Variants in BCAS3 observed in about 807,000 individuals in gnomAD.
The protein encoded by BCAS3 is BCAS4/BCAS3 fusion.
BCAS3 carries 53 observed loss-of-function variants against 116.1 expected under a neutral mutation model. The observed-to-expected ratio is 0.46, with a 90% CI of 0.37 to 0.57. The LOEUF is 0.57. Ranked by LOEUF, BCAS3 falls within the 20% of genes least tolerant of loss-of-function variation. BCAS3 has a pLI of 0.00. For synonymous variants in BCAS3, 391 were observed against 408.2 expected (o/e 0.96, Z 0.51); for missense variants, 917 against 1,165.4 (o/e 0.79, Z 3.10).
chr17:61,075,951 A>T (rs1003964791), intron 20 of BCAS3, among the ~76,000 whole-genome samples: 1 of 151,370 alleles, frequency 6.6e-6, no homozygotes, highest in Non-Finnish European at 1.5e-5. Flanking sequence ...TAGAGACAGG[A>T]TCTCCCTATG....
chr17:60,863,024 C>A (rs574075385), intron 7 of BCAS3, among the ~76,000 whole-genome samples: 15 of 152,062 alleles, frequency 9.9e-5, no homozygotes, highest in Non-Finnish European at 2.1e-4. Context: ...GATTTTTCTC[C>A]TGTAGTTTGT....
chr17:60,799,146 T>A (rs2047473147), intron 6 of BCAS3, among the ~76,000 whole-genome samples: 1 of 152,230 alleles, frequency 6.6e-6, no homozygotes, highest in African/African-American at 2.4e-5. Context: ...ATGTACTTTT[T>A]AAAATAGCAA....
At chr17:61,274,281 A>ATT (rs780529516) in intron 22 of BCAS3, among the ~76,000 whole-genome samples, 2,373 of 95,908 alleles carry the variant, frequency 0.025, 87 homozygotes, top group African/African-American at 0.069. Flanking sequence ...AAATCTTTGA[A>ATT]TTTTTTTTTT....
chr17:60,703,965 C>G (rs74496052), intron 4 of BCAS3, among the ~76,000 whole-genome samples: 2,325 of 150,254 alleles, frequency 0.015, 31 homozygotes, highest in Non-Finnish European at 0.023. Flanking sequence ...TTACTATAGA[C>G]TCTAATATGA....
intron 14 of BCAS3, among the ~76,000 whole-genome samples, chr17:60,968,909 G>A (rs574594610): frequency 6.6e-6 from 1 of 152,070 alleles, no homozygotes; most frequent in African/African-American, 2.4e-5. Context: ...TTAAGGCAAG[G>A]ATAGTTTTCC....
At chr17:61,232,201 A>G (rs1488231263) in intron 22 of BCAS3, among the ~76,000 whole-genome samples, 21 of 18,006 alleles carry the variant, frequency 1.2e-3, no homozygotes, top group Non-Finnish European at 2.5e-3. Context: ...AAAGACTCCG[A>G]AAAAAAAAAA....
At chr17:60,764,308 T>C (rs1331693239) in intron 6 of BCAS3, among the ~76,000 whole-genome samples, 1 of 152,192 alleles carries the variant, frequency 6.6e-6, no homozygotes, top group Non-Finnish European at 1.5e-5. Context: ...TTTTAGATCT[T>C]TCCTCCTTTC....
intron 22 of BCAS3, among the ~76,000 whole-genome samples, chr17:61,101,621 T>C (rs895173022): frequency 2.0e-5 from 3 of 152,266 alleles, no homozygotes; most frequent in African/African-American, 7.2e-5. Flanking sequence ...CAATGGACCA[T>C]TGTACACTAC....
At chr17:60,783,063 T>C (rs866351685) in intron 6 of BCAS3, among the ~76,000 whole-genome samples, 3 of 152,168 alleles carry the variant, frequency 2.0e-5, no homozygotes, top group Admixed American at 6.6e-5. Context: ...AAATATTTGA[T>C]ATGCTGATAC....
rs1377611160 is a variant in BCAS3 at position 61,313,948 on chromosome 17, G to A, written c.2426-54379G>A. Among the ~76,000 whole-genome samples the A allele has an allele frequency of 6.6e-6, 1 of 152,248 alleles. No individual in the cohort carries two copies. The highest frequency in any genetic ancestry group is 2.4e-5 in the African/African-American group (1 of 41,466). On this transcript the variant is annotated intron_variant, in intron 22 of 23. Transcript: ENST00000407086. This position sits in a 1 kb window ranked among gnomAD's most constrained non-coding sequence, Gnocchi z 4.3. ...CTGGCTCCAGAGTCTCGTGGGGGAA[G>A]CCGGCTGGCAGCACACAGGCCATTC...
intron 7 of BCAS3, among the ~76,000 whole-genome samples, chr17:60,867,900 G>A (rs1280475879): frequency 3.3e-5 from 5 of 151,828 alleles, no homozygotes; most frequent in African/African-American, 7.3e-5. Flanking sequence ...GTTTTTGTTC[G>A]TTAGTTTTAA....
At chr17:61,294,924 G>C (rs549323412) in intron 22 of BCAS3, among the ~76,000 whole-genome samples, 1 of 152,256 alleles carries the variant, frequency 6.6e-6, no homozygotes, top group South Asian at 2.1e-4. Context: ...CCTTCAGTAT[G>C]ACAGGTCAGT....
chr17:60,865,516 C>T (rs939714278), intron 7 of BCAS3, among the ~76,000 whole-genome samples: 1 of 152,146 alleles, frequency 6.6e-6, no homozygotes, highest in African/African-American at 2.4e-5. Flanking sequence ...GTTAGACTTA[C>T]ATAGAATTAT....
rs1474338414 is a variant in BCAS3 at position 61,233,667 on chromosome 17, A to G, written c.2426-134660A>G. ...GGATAAGTCACAATCTTCCTGTCTCATGTTTCTTTTACTTAAAAATGAAAG... is the reference window on the plus strand; with the variant it reads ...GGATAAGTCACAATCTTCCTGTCTCGTGTTTCTTTTACTTAAAAATGAAAG... On this transcript the variant is annotated intron_variant, in intron 22 of 23. Transcript: ENST00000407086. The surrounding 1 kb of genome is among the most constrained non-coding windows in gnomAD (Gnocchi z 4.3). Among the ~76,000 whole-genome samples the G allele has an allele frequency of 6.6e-6, 1 of 152,166 alleles. No homozygotes were observed. The highest frequency in any genetic ancestry group is 1.5e-5 in the Non-Finnish European group (1 of 68,028).
At chr17:61,371,124 A>C (rs2059021190) in intron 23 of BCAS3, among the ~76,000 whole-genome samples, 1 of 152,218 alleles carries the variant, frequency 6.6e-6, no homozygotes, top group East Asian at 1.9e-4. Flanking sequence ...CCTCTTTATC[A>C]AAGTATGAAT....
chr17:61,246,990 G>A lies in BCAS3; in HGVS notation c.2426-121337G>A, dbSNP rs537271332. 5.9e-5 allele frequency among the ~76,000 whole-genome samples: 9 copies of A among 152,240 alleles called. No individual in the cohort carries two copies. The South Asian group carries it at 1.7e-3, about 28-fold the overall frequency. On this transcript the variant is annotated intron_variant, in intron 22 of 23. Transcript: ENST00000407086. ...GTACCGAAATTAACTTGATTGAAATGTCTTAGACTTTATCATTTTCCAGTG... is the reference window on the plus strand; with the variant it reads ...GTACCGAAATTAACTTGATTGAAATATCTTAGACTTTATCATTTTCCAGTG...
chr17:60,717,387 T>C (rs145434215), intron 5 of BCAS3, among the ~76,000 whole-genome samples: 4,708 of 152,066 alleles, frequency 0.031, 236 homozygotes, highest in African/African-American at 0.1. Flanking sequence ...GGGTACTTTT[T>C]GTATTTTTAG....
Position 61,376,925 on chromosome 17 carries a change from G to C in BCAS3, c.2593+8431G>C, listed in dbSNP as rs142321013. Among the ~76,000 whole-genome samples the C allele has an allele frequency of 1.4e-4, 21 of 152,312 alleles. No individual in the cohort carries two copies. The East Asian group carries it at 3.5e-3, about 25-fold the overall frequency. On this transcript the variant is annotated intron_variant, in intron 23 of 23. Transcript: ENST00000407086. This position sits in a 1 kb window ranked among gnomAD's most constrained non-coding sequence, Gnocchi z 4.5. ...GTTCTTTCTGTGGTTGGGGCAGGCAGGGTCTCCATCGGTATCTGCCAGTTT... is the reference window on the plus strand; with the variant it reads ...GTTCTTTCTGTGGTTGGGGCAGGCACGGTCTCCATCGGTATCTGCCAGTTT...
intron 22 of BCAS3, among the ~76,000 whole-genome samples, chr17:61,207,230 TCCAG>T (rs1213317642): frequency 6.6e-6 from 1 of 152,322 alleles, no homozygotes; most frequent in African/African-American, 2.4e-5. Context: ...TCACCTGTTC[TCCAG>T]CCTATGGGTA....
Sources: allele counts gnomAD v4.1 joint callset (sites outside exome capture counted in the v4.1 genomes callset), GRCh38; gene constraint gnomAD v4.1.1; non-coding constraint Gnocchi (gnomAD v3.1); transcripts MANE v1.5; gene names NCBI Gene and HGNC (gene_info 2026-07-23, HGNC 2026-07-21).